The following NTRK3 variants were observed in gnomAD, a reference collection of about 807,000 sequenced individuals.
NTRK3 encodes neurotrophic receptor tyrosine kinase 3.
NTRK3 carries 24 observed loss-of-function variants against 91.7 expected under a neutral mutation model. That is an observed-to-expected ratio of 0.26 (90% CI 0.19 to 0.37). The LOEUF is 0.37. NTRK3 is among the 10% of genes least tolerant of loss of function. NTRK3 has a pLI of 1.00. For missense variants in NTRK3, 880 were observed against 1,068.9 expected (o/e 0.82, Z 2.46); for synonymous variants, 483 against 404.0 (o/e 1.20, Z -2.34).
chr15:88,099,341 C>A (rs1462432427), intron 13 of NTRK3: 2 of 202,924 alleles, frequency 9.9e-6, no homozygotes, highest in African/African-American at 2.3e-5. Flanking sequence ...GGAGAAGGAA[C>A]ATGGAAGAGA....
intron 17 of NTRK3, among the ~76,000 whole-genome samples, chr15:87,902,668 A>G (rs2066522408): frequency 6.6e-6 from 1 of 152,214 alleles, no homozygotes; most frequent in Non-Finnish European, 1.5e-5. Context: ...AAATTTTATT[A>G]TAAAGACAGT....
In NTRK3 at chr15:87,908,764, C is replaced by T. The variant is rs191386570; in HGVS notation, c.2133+20427G>A. On this transcript the variant is annotated intron_variant, in intron 17 of 18. Transcript: ENST00000394480. ...GAGGACAGCGGAAGACCGCAGCAAC[C>T]CACCTTCAAGGCCCTTACTCTGGAG... Among the ~76,000 whole-genome samples the T allele has an allele frequency of 1.0e-3, 156 of 152,246 alleles. 2 individuals are homozygous for T. The highest frequency in any genetic ancestry group is 3.2e-3 in the African/African-American group (135 of 41,566).
At chr15:88,164,544 T>C (rs1489714533) in intron 5 of NTRK3, among the ~76,000 whole-genome samples, 7 of 152,176 alleles carry the variant, frequency 4.6e-5, no homozygotes, top group Non-Finnish European at 7.4e-5. Context: ...CCAAAGCCCA[T>C]GTTGTTTTGT....
At chr15:88,155,694 G>A (rs550657074) in intron 5 of NTRK3, among the ~76,000 whole-genome samples, 6 of 152,222 alleles carry the variant, frequency 3.9e-5, no homozygotes, top group African/African-American at 7.2e-5. Context: ...CAAATACCAC[G>A]TGAAATTTTC....
At chr15:88,057,876 T>A (rs562673841) in intron 13 of NTRK3, among the ~76,000 whole-genome samples, 38 of 152,364 alleles carry the variant, frequency 2.5e-4, no homozygotes, top group Admixed American at 1.4e-3. Context: ...CTCTCTTCTG[T>A]CTTTCTCTTC....
At chr15:87,901,201 G>C (rs1166218219) in intron 17 of NTRK3, among the ~76,000 whole-genome samples, 1 of 152,214 alleles carries the variant, frequency 6.6e-6, no homozygotes, top group Non-Finnish European at 1.5e-5. Flanking sequence ...TCTCCTTCAA[G>C]GTCAAAAGGC....
chr15:88,176,415 G>A (rs748843696), intron 5 of NTRK3, among the ~76,000 whole-genome samples: 10 of 152,154 alleles, frequency 6.6e-5, no homozygotes, highest in South Asian at 2.1e-4. Context: ...AAGTATAGGC[G>A]TGAGCCACTG....
intron 4 of NTRK3, 115 bp downstream of exon 4, chr15:88,184,110 G>A: frequency 9.9e-7 from 1 of 1,013,248 alleles, no homozygotes. Context: ...GAAGACCTGG[G>A]GGAGAAAGCA....
intron 5 of NTRK3, among the ~76,000 whole-genome samples, chr15:88,175,504 GATCA>G (rs1470648849): frequency 2.0e-5 from 3 of 152,176 alleles, no homozygotes; most frequent in Non-Finnish European, 2.9e-5. Flanking sequence ...GAATACTGAC[GATCA>G]ATTTTAGAAT....
intron 14 of NTRK3, among the ~76,000 whole-genome samples, chr15:88,002,415 T>G (rs1244567820): frequency 6.6e-6 from 1 of 152,084 alleles, no homozygotes; most frequent in Non-Finnish European, 1.5e-5. Context: ...AGTGTTTATG[T>G]GCCCCAGCCC....
rs76726880 is a variant in NTRK3, at chr15:88,082,607, G to A, written c.1396+43664C>T. ...AACTTCATATAAATGGAATCACATT[G>A]CATGTTCTCTCTTATGTCTGGCTTC... On this transcript the variant is annotated intron_variant, in intron 13 of 18. Transcript: ENST00000394480. Among the ~76,000 whole-genome samples, 707 of 152,300 alleles carry A rather than the reference G, an allele frequency of 4.6e-3. 4 individuals carry two copies. Among genetic ancestry groups the A allele is most frequent in the African/African-American group, 0.017 (689 of 41,562 alleles).
intron 17 of NTRK3, among the ~76,000 whole-genome samples, chr15:87,890,934 GA>G (rs970997129): frequency 2.6e-5 from 4 of 151,860 alleles, no homozygotes; most frequent in African/African-American, 9.7e-5. Flanking sequence ...AAATAGCTAG[GA>G]AAAAAATTTC....
At chr15:87,950,485 G>A (rs2071002183) in intron 14 of NTRK3, among the ~76,000 whole-genome samples, 1 of 152,194 alleles carries the variant, frequency 6.6e-6, no homozygotes, top group Admixed American at 6.5e-5. Context: ...AGAAAGGACA[G>A]GAAGGGGACC....
In NTRK3 at chr15:88,172,410, G is replaced by A. The variant is rs964591711; in HGVS notation, c.395+11008C>T. Among the ~76,000 whole-genome samples the A allele has an allele frequency of 2.6e-5, 4 of 152,302 alleles. No homozygotes were observed. In the South Asian group the frequency reaches 8.3e-4, roughly 32 times the overall value. On this transcript the variant is annotated intron_variant, in intron 5 of 18. Transcript: ENST00000394480. ...CCTTAGGGAAGAGGGGGAAAAAAGA[G>A]AAGAAAATCTACTGAGAATAATCAA... is the stretch of plus-strand genomic sequence containing the variant.
chr15:87,923,369 G>T (rs2068033233), intron 17 of NTRK3, among the ~76,000 whole-genome samples: 2 of 152,144 alleles, frequency 1.3e-5, no homozygotes, highest in Non-Finnish European at 2.9e-5. Flanking sequence ...ATTCCTTCAT[G>T]CCAGTTTCTC....
chr15:87,988,695 G>T (rs2075046695), intron 14 of NTRK3, among the ~76,000 whole-genome samples: 2 of 152,126 alleles, frequency 1.3e-5, no homozygotes, highest in Non-Finnish European at 2.9e-5. Context: ...TAGCAAATTT[G>T]CTGGACTCCC....
intron 13 of NTRK3, among the ~76,000 whole-genome samples, chr15:88,073,512 T>C (rs974105994): frequency 1.3e-5 from 2 of 152,104 alleles, no homozygotes; most frequent in Non-Finnish European, 2.9e-5. Flanking sequence ...TGGACAACCA[T>C]GGGCCAGTTT....
intron 14 of NTRK3, among the ~76,000 whole-genome samples, chr15:87,964,085 A>C (rs868522887): frequency 6.6e-6 from 1 of 152,202 alleles, no homozygotes; most frequent in African/African-American, 2.4e-5. Context: ...TAAAAAGTGC[A>C]CAATAGTATG....
At chr15:87,994,384 G>T (rs1037692096) in intron 14 of NTRK3, among the ~76,000 whole-genome samples, 2 of 152,130 alleles carry the variant, frequency 1.3e-5, no homozygotes, top group Non-Finnish European at 2.9e-5. Context: ...TTATACAAAG[G>T]AAAAATGTGA....
Sources: allele counts gnomAD v4.1 joint callset (sites outside exome capture counted in the v4.1 genomes callset), GRCh38; gene constraint gnomAD v4.1.1; transcripts MANE v1.5; gene names NCBI Gene and HGNC (gene_info 2026-07-23, HGNC 2026-07-21).